Variants in MDGA2 observed in about 807,000 individuals in gnomAD.
The protein encoded by MDGA2 is MAM domain-containing glycosylphosphatidylinositol anchor protein 2.
Under a neutral mutation model 117.8 loss-of-function variants are expected in MDGA2, and 40 were observed. The ratio of observed to expected loss-of-function variants is 0.34; its 90% CI spans 0.26 to 0.44. MDGA2 has a LOEUF of 0.44. MDGA2 is among the 20% of genes least tolerant of loss of function. MDGA2 has a pLI of 1.00. For missense variants in MDGA2, 1,123 were observed against 1,250.6 expected (o/e 0.90, Z 1.54); for synonymous variants, 452 against 439.0 (o/e 1.03, Z -0.37).
At chr14:47,373,053 C>T (rs1410600139) in intron 1 of MDGA2, among the ~76,000 whole-genome samples, 1 of 151,768 alleles carries the variant, frequency 6.6e-6, no homozygotes, top group Non-Finnish European at 1.5e-5. Flanking sequence ...ATACATTTTG[C>T]ACTTGTATAA....
intron 10 of MDGA2, among the ~76,000 whole-genome samples, chr14:46,907,445 T>C (rs1883542865): frequency 6.6e-6 from 1 of 152,224 alleles, no homozygotes. Flanking sequence ...AATGATTAGA[T>C]TCACATGACA....
chr14:47,226,177 C>T (rs1219991223), intron 2 of MDGA2, among the ~76,000 whole-genome samples: 1 of 150,746 alleles, frequency 6.6e-6, no homozygotes, highest in Non-Finnish European at 1.5e-5. Context: ...TATGATGGCA[C>T]CACTCCAGCC....
At chr14:46,910,924 A>T (rs1883674818) in intron 10 of MDGA2, among the ~76,000 whole-genome samples, 1 of 152,210 alleles carries the variant, frequency 6.6e-6, no homozygotes, top group African/African-American at 2.4e-5. Flanking sequence ...GTTCTCAGTT[A>T]TAACTGGTAG....
rs1384999970 is a variant in MDGA2 at position 46,920,231 on chromosome 14, C to T, written c.2090-71G>A. 8.6e-6 allele frequency: 12 copies of T among 1,392,544 alleles called. No homozygotes were observed. In the East Asian group the frequency reaches 2.8e-4, roughly 33 times the overall value. The allele number at this position is 1,392,544 out of a possible 1,614,324, so 86.3% of individuals were successfully genotyped here. On this transcript the variant is annotated intron_variant, in intron 9 of 16. Transcript: ENST00000399232. ...GTGTAAGCATACTTATTCCCTTTGG[C>T]CCTTTTACCATTTCTACTATATTTT...
chr14:47,491,133 T>G (rs532930343), intron 1 of MDGA2, among the ~76,000 whole-genome samples: 2 of 152,098 alleles, frequency 1.3e-5, no homozygotes, highest in African/African-American at 4.8e-5. Flanking sequence ...TTAAGCAGAA[T>G]TTTTTTTGTT....
chr14:47,119,024 G>A lies in MDGA2; in HGVS notation c.925+12690C>T, dbSNP rs546014938. On this transcript the variant is annotated intron_variant, in intron 5 of 16. Coordinates refer to ENST00000399232, the MANE Select transcript of MDGA2 (RefSeq NM_001113498.3). ...AAGCAGAGACTGGGATTACAGGTGTGAGCCACCATGTCCAGCCTACATATT... is the reference window on the plus strand; with the variant it reads ...AAGCAGAGACTGGGATTACAGGTGTAAGCCACCATGTCCAGCCTACATATT... Among the ~76,000 whole-genome samples, 3 of 151,128 alleles carry A rather than the reference G, an allele frequency of 2.0e-5. No homozygotes were observed. The South Asian group carries it at 6.3e-4, about 32-fold the overall frequency.
chr14:47,190,125 A>G (rs1475132849), intron 3 of MDGA2, among the ~76,000 whole-genome samples: 2 of 152,212 alleles, frequency 1.3e-5, no homozygotes, highest in Non-Finnish European at 2.9e-5. Flanking sequence ...AAATGAGGCT[A>G]GAGTTAATTT....
At chr14:47,510,242 G>C (rs945403153) in intron 1 of MDGA2, among the ~76,000 whole-genome samples, 19 of 152,078 alleles carry the variant, frequency 1.2e-4, no homozygotes, top group Non-Finnish European at 2.5e-4. Context: ...ACCTAGAAGA[G>C]AGCCCTCACC....
At chr14:47,647,512 T>C (rs1194188143) in intron 1 of MDGA2, among the ~76,000 whole-genome samples, 1 of 152,134 alleles carries the variant, frequency 6.6e-6, no homozygotes, top group Non-Finnish European at 1.5e-5. Flanking sequence ...AGATTTTTCA[T>C]CCTAGTTGAT....
intron 1 of MDGA2, among the ~76,000 whole-genome samples, chr14:47,663,214 T>C (rs1183799262): frequency 6.6e-6 from 1 of 152,240 alleles, no homozygotes; most frequent in Non-Finnish European, 1.5e-5. Flanking sequence ...TTGGCAGTTG[T>C]ATCTCTCCAT....
chr14:47,117,248 G>A (rs1881381163), intron 5 of MDGA2, among the ~76,000 whole-genome samples: 1 of 152,074 alleles, frequency 6.6e-6, no homozygotes, highest in Admixed American at 6.5e-5. Context: ...TACTTTTAAA[G>A]AAAGACGATA....
intron 1 of MDGA2, among the ~76,000 whole-genome samples, chr14:47,554,480 C>G (rs1895646733): frequency 6.6e-6 from 1 of 152,106 alleles, no homozygotes; most frequent in African/African-American, 2.4e-5. Flanking sequence ...GAATACTAAA[C>G]AGCTTAGAAG....
intron 1 of MDGA2, among the ~76,000 whole-genome samples, chr14:47,576,540 TG>T (rs1896118711): frequency 1.3e-5 from 2 of 152,158 alleles, no homozygotes; most frequent in South Asian, 4.1e-4. Flanking sequence ...TGTACTGTAT[TG>T]GAAGAGTACA....
chr14:47,360,243 C>T (rs539249266), intron 1 of MDGA2, among the ~76,000 whole-genome samples: 3 of 151,766 alleles, frequency 2.0e-5, no homozygotes, highest in African/African-American at 7.2e-5. Flanking sequence ...CCCAGCTACT[C>T]GGGAGGCTGA....
At chr14:47,490,393 G>A (rs186269538) in intron 1 of MDGA2, among the ~76,000 whole-genome samples, 1 of 152,140 alleles carries the variant, frequency 6.6e-6, no homozygotes, top group Admixed American at 6.6e-5. Flanking sequence ...TGAAATATTT[G>A]AGAAAAGAAT....
chr14:47,120,799 G>T (rs185609960), intron 5 of MDGA2, among the ~76,000 whole-genome samples: 1 of 152,056 alleles, frequency 6.6e-6, no homozygotes, highest in Non-Finnish European at 1.5e-5. Flanking sequence ...TATAACAATG[G>T]ACTGGATACA....
intron 7 of MDGA2, among the ~76,000 whole-genome samples, chr14:47,048,309 T>C (rs1889335479): frequency 6.6e-6 from 1 of 152,108 alleles, no homozygotes; most frequent in South Asian, 2.1e-4. Flanking sequence ...AGATAAGCCA[T>C]AAATTATACA....
chr14:47,206,208 T>C (rs1885677046), intron 3 of MDGA2, among the ~76,000 whole-genome samples: 7 of 152,074 alleles, frequency 4.6e-5, no homozygotes, highest in Admixed American at 4.6e-4. Context: ...TGTCTTTGCC[T>C]GAATGCTTGC....
chr14:46,968,017 A>G (rs1886105400), intron 8 of MDGA2, among the ~76,000 whole-genome samples: 2 of 152,130 alleles, frequency 1.3e-5, no homozygotes, highest in Admixed American at 1.3e-4. Flanking sequence ...GAAGCATGAG[A>G]AAACCGCTTG....
Sources: allele counts gnomAD v4.1 joint callset (sites outside exome capture counted in the v4.1 genomes callset), GRCh38; gene constraint gnomAD v4.1.1; transcripts MANE v1.5; gene names NCBI Gene and HGNC (gene_info 2026-07-23, HGNC 2026-07-21).